The following ZNF831 variants were observed in gnomAD, a reference collection of about 807,000 sequenced individuals.
ZNF831 encodes zinc finger protein 831.
Under a neutral mutation model 95.8 loss-of-function variants are expected in ZNF831, and 59 were observed. The observed-to-expected ratio is 0.62, with a 90% confidence interval of 0.50 to 0.77. ZNF831 has a LOEUF of 0.77. ZNF831 is among the 30% of genes least tolerant of loss of function. ZNF831 has a pLI of 0.00. For missense variants in ZNF831, 2,205 were observed against 2,164.0 expected (o/e 1.02, Z -0.38); for synonymous variants, 961 against 925.5 (o/e 1.04, Z -0.70).
intron 2 of ZNF831, among the ~76,000 whole-genome samples, chr20:59,158,023 G>A (rs1365984283): frequency 1.3e-5 from 2 of 152,202 alleles, no homozygotes; most frequent in African/African-American, 4.8e-5. Flanking sequence ...CACTTCAGGT[G>A]CTGGAAATGA....
At position 59,246,570 on chromosome 20, in the gene ZNF831, C is replaced by T. The variant is rs191234613; in HGVS notation, c.4028-6408C>T. ...CTAATTTCATAATCCTATTTTCACT[C>T]TGTATTTTAAGGGCACACACTTGAT... On this transcript the variant is annotated intron_variant, in intron 4 of 5. Transcript: ENST00000371030. 7.9e-5 allele frequency among the ~76,000 whole-genome samples: 12 copies of T among 152,146 alleles called. No individual in the cohort carries two copies. The East Asian group carries it at 2.3e-3, about 29-fold the overall frequency.
chr20:59,131,363 A>G (rs991756250), intron 1 of ZNF831, among the ~76,000 whole-genome samples: 1 of 152,216 alleles, frequency 6.6e-6, no homozygotes. Context: ...CACTAAAGCC[A>G]GGGTCCTGGT....
At chr20:59,212,344 T>A (rs1985397317) in intron 4 of ZNF831, among the ~76,000 whole-genome samples, 1 of 152,156 alleles carries the variant, frequency 6.6e-6, no homozygotes, top group Non-Finnish European at 1.5e-5. Context: ...AGACCTACCG[T>A]GTAAGATTGT....
intron 4 of ZNF831, among the ~76,000 whole-genome samples, chr20:59,230,713 A>G (rs1184970374): frequency 6.6e-6 from 1 of 152,218 alleles, no homozygotes; most frequent in Non-Finnish European, 1.5e-5. Flanking sequence ...GTTGACAGAC[A>G]TAGCAAATTT....
chr20:59,177,081 A>C lies in ZNF831; in HGVS notation c.-37+12874A>C, dbSNP rs960911212. Reference sequence around the variant, plus strand: ...AGTGGTGGAAGGAGAGCAGTTCTGGATGGCAGTTCTCATCCTTGTGCTGGC... The same window carrying C: ...AGTGGTGGAAGGAGAGCAGTTCTGGCTGGCAGTTCTCATCCTTGTGCTGGC... On this transcript the variant is annotated intron_variant, in intron 1 of 5. Coordinates refer to ENST00000371030, the MANE Select transcript of ZNF831 (RefSeq NM_178457.3). 4.6e-5 allele frequency among the ~76,000 whole-genome samples: 7 copies of C among 152,202 alleles called. No homozygotes were observed. The East Asian group carries it at 1.3e-3, about 29-fold the overall frequency.
chr20:59,206,850 T>G, intron 3 of ZNF831, 55 bp from the exon 4 acceptor site: 2 of 1,575,036 alleles, frequency 1.3e-6, no homozygotes, highest in East Asian at 4.5e-5. Context: ...TCCAGATTTT[T>G]CCAGGCATGT....
At position 59,218,377 on chromosome 20, in the gene ZNF831, C is replaced by T. The variant is rs149358435; in HGVS notation, c.4027+11321C>T. 4.4e-3 allele frequency among the ~76,000 whole-genome samples: 673 copies of T among 152,244 alleles called. 4 individuals are homozygous for T. The highest frequency in any genetic ancestry group is 0.015 in the African/African-American group (636 of 41,528). ...AGGCAGAACTTTAAACTCTGCATGC[C>T]TGTATTAGGAGGGACTCTTTGAGGT... On this transcript the variant is annotated intron_variant, in intron 4 of 5. Transcript: ENST00000371030.
intron 3 of ZNF831, 81 bp from the exon 4 acceptor site, chr20:59,206,824 C>T (rs1984923789): frequency 1.3e-6 from 2 of 1,511,356 alleles, no homozygotes; most frequent in South Asian, 2.5e-5. Context: ...TTCTCCTGGG[C>T]ACCCCACAGT....
In ZNF831 at chr20:59,258,317, A is replaced by C. The variant is rs1438748604; in HGVS notation, c.*3574A>C. The C allele has an allele frequency of 6.5e-6, 1 of 152,684 alleles. No homozygotes were observed. Among genetic ancestry groups the C allele is most frequent in the Non-Finnish European group, 1.5e-5 (1 of 68,054 alleles). 9.5% of individuals were successfully genotyped at this position (152,684 alleles called of 1,614,324 possible). On this transcript the variant is annotated 3_prime_UTR_variant, in exon 6 of 6. Transcript: ENST00000371030. ...GAGACCGGAAGAGGAACCTTGCAGA[A>C]GTGCACTGTGACCACAGTTCTTGGC...
At position 59,256,021 on chromosome 20, in the gene ZNF831, A is replaced by G. The variant is rs1303542564; in HGVS notation, c.*1278A>G. On this transcript the variant is annotated 3_prime_UTR_variant, in exon 6 of 6. Transcript: ENST00000371030. ...CATTGCTGCATTTCAATAAAATTTT[A>G]TACTTGCTTTTGGTATGATTTTGTA... The G allele has an allele frequency of 6.6e-6, 1 of 152,184 alleles. No individual in the cohort carries two copies. Among genetic ancestry groups the G allele is most frequent in the East Asian group, 1.9e-4 (1 of 5,198 alleles). The allele number at this position is 152,184 out of a possible 1,614,324, so 9.4% of individuals were successfully genotyped here. A position where few individuals can be genotyped will look rare whatever the true frequency, so the allele number is the denominator to read the frequency against.
intron 4 of ZNF831, among the ~76,000 whole-genome samples, chr20:59,226,183 G>T (rs1986419863): frequency 6.6e-6 from 1 of 152,142 alleles, no homozygotes; most frequent in African/African-American, 2.4e-5. Context: ...ATATTGAGGA[G>T]GGATGTTCTC....
At chr20:59,181,627 C>G (rs979698844) in intron 1 of ZNF831, among the ~76,000 whole-genome samples, 1 of 151,998 alleles carries the variant, frequency 6.6e-6, no homozygotes, top group Non-Finnish European at 1.5e-5. Flanking sequence ...AATAGGGAAT[C>G]CTTTCCCCAT....
intron 2 of ZNF831, 41 bp downstream of exon 2, chr20:59,194,798 C>G: frequency 1.3e-6 from 2 of 1,517,232 alleles, no homozygotes; most frequent in African/African-American, 1.4e-5. Flanking sequence ...GTTGAGAGAG[C>G]ATGTTGTTAT....
At chr20:59,235,808 CT>C (rs1405639101) in intron 4 of ZNF831, among the ~76,000 whole-genome samples, 1 of 152,172 alleles carries the variant, frequency 6.6e-6, no homozygotes, top group African/African-American at 2.4e-5. Flanking sequence ...ATGGGCATAG[CT>C]TTCTCCCCCT....
chr20:59,148,513 C>T (rs1980010912), intron 2 of ZNF831, among the ~76,000 whole-genome samples: 1 of 140,052 alleles, frequency 7.1e-6, no homozygotes, highest in South Asian at 2.2e-4. Flanking sequence ...AACCCCGTCT[C>T]TACTAAAAAT....
chr20:59,150,712 C>T (rs1980182352), intron 2 of ZNF831, among the ~76,000 whole-genome samples: 1 of 152,146 alleles, frequency 6.6e-6, no homozygotes, highest in Non-Finnish European at 1.5e-5. Context: ...CACACGCTGT[C>T]ATTTTGTGGG....
chr20:59,222,170 G>A (rs1351249739), intron 4 of ZNF831, among the ~76,000 whole-genome samples: 1 of 152,176 alleles, frequency 6.6e-6, no homozygotes, highest in Non-Finnish European at 1.5e-5. Flanking sequence ...TTATTCCCAC[G>A]GGCATGGCAG....
chr20:59,250,040 A>G (rs577193213), intron 4 of ZNF831, among the ~76,000 whole-genome samples: 3 of 152,304 alleles, frequency 2.0e-5, no homozygotes, highest in African/African-American at 7.2e-5. Context: ...TCATGGTACC[A>G]GGTGTGGCTG....
upstream of ZNF831, among the ~76,000 whole-genome samples, chr20:59,161,245 C>T (rs1217192472): frequency 6.6e-6 from 1 of 152,064 alleles, no homozygotes; most frequent in Non-Finnish European, 1.5e-5. Flanking sequence ...CCAAAGAAAC[C>T]CCATACATTA....
Sources: allele counts gnomAD v4.1 joint callset (sites outside exome capture counted in the v4.1 genomes callset), GRCh38; gene constraint gnomAD v4.1.1; transcripts MANE v1.5; gene names NCBI Gene and HGNC (gene_info 2026-07-23, HGNC 2026-07-21).